The following TESMIN variants were observed in gnomAD, a reference collection of about 807,000 sequenced individuals.
TESMIN encodes CXC domain containing 2.
A neutral mutation model predicts 47.4 loss-of-function variants in TESMIN; 34 were observed. The ratio of observed to expected loss-of-function variants is 0.72; its 90% CI spans 0.55 to 0.96. TESMIN has a LOEUF of 0.96. Among genes scored for constraint, TESMIN ranks in the 40% least tolerant of loss-of-function variants. The pLI, the probability that TESMIN is intolerant of heterozygous loss-of-function variation, is 0.00. For synonymous variants in TESMIN, 278 were observed against 258.9 expected (o/e 1.07, Z -0.71); for missense variants, 610 against 637.2 (o/e 0.96, Z 0.46).
intron 2 of TESMIN, among the ~76,000 whole-genome samples, chr11:68,748,442 C>T (rs1181940466): frequency 2.0e-5 from 3 of 152,316 alleles, no homozygotes; most frequent in South Asian, 2.1e-4. Context: ...GTGCTATGCA[C>T]GTCATCCCAG....
At chr11:68,741,003 C>G (rs4523704) in intron 5 of TESMIN, among the ~76,000 whole-genome samples, 2,477 of 152,174 alleles carry the variant, frequency 0.016, 246 homozygotes, top group Admixed American at 0.15. Context: ...TGACTCCTCT[C>G]TTTCTCTCAC....
intron 5 of TESMIN, among the ~76,000 whole-genome samples, chr11:68,739,492 T>A (rs1233642102): frequency 6.6e-6 from 1 of 152,264 alleles, no homozygotes; most frequent in East Asian, 1.9e-4. Flanking sequence ...AAACCTCATA[T>A]CCTTGTCCCT....
chr11:68,713,314 A>C lies in TESMIN; in HGVS notation c.1114T>G (p.Cys372Gly). The change falls in exon 8 of 10, where the codon TGC becomes GGC. Residue 372 changes from cysteine to glycine, a missense_variant. Transcript: ENST00000255087. The part of the protein sequence containing the change: ...VKPQHNKGCN[C>G]RRSGCLKNYC... ...TTCTTCAGGCAGCCTGACCTCCTGC[A>C]GTTGCACCCTTTGTTGTGCTGGGGC... The C allele has an allele frequency of 6.2e-7, 1 of 1,614,208 alleles. No homozygotes were observed. Among genetic ancestry groups the C allele is most frequent in the Non-Finnish European group, 8.5e-7 (1 of 1,180,026 alleles).
At chr11:68,716,437 C>G (rs1245709984) in intron 6 of TESMIN, among the ~76,000 whole-genome samples, 1 of 152,246 alleles carries the variant, frequency 6.6e-6, no homozygotes, top group Non-Finnish European at 1.5e-5. Context: ...AACTCGCTTT[C>G]ATTCTGTGAG....
Position 68,707,708 on chromosome 11 carries a change from T to C in TESMIN, c.*600A>G, listed in dbSNP as rs1173241632. 2.4e-6 allele frequency: 1 copy of C among 412,560 alleles called. No individual in the cohort carries two copies. Among genetic ancestry groups the C allele is most frequent in the African/African-American group, 2.1e-5 (1 of 48,720 alleles). The allele number at this position is 412,560 out of a possible 1,614,324, so 25.6% of individuals were successfully genotyped here. A position where few individuals can be genotyped will look rare whatever the true frequency, so the allele number is the denominator to read the frequency against. On this transcript the variant is annotated 3_prime_UTR_variant, in exon 10 of 10. Coordinates refer to ENST00000255087, the MANE Select transcript of TESMIN (RefSeq NM_004923.3). ...TGCAAGCCTGGCCTGCGAGGCCCCA[T>C]TGCCTGCGTCTCCCGGGGGCCTTAG...
At chr11:68,738,619 T>C (rs1223615646) in intron 6 of TESMIN, 81 bp downstream of exon 6, 3 of 1,588,014 alleles carry the variant, frequency 1.9e-6, no homozygotes, top group Non-Finnish European at 2.6e-6. Context: ...CATTTTATAG[T>C]ATAGAAGAAA....
intron 6 of TESMIN, among the ~76,000 whole-genome samples, chr11:68,716,829 G>A (rs1483568698): frequency 1.3e-5 from 2 of 152,166 alleles, no homozygotes; most frequent in Non-Finnish European, 2.9e-5. Flanking sequence ...CCTATGACCC[G>A]CGCCCCAGAG....
At chr11:68,744,834 C>T (rs1946498398) in intron 4 of TESMIN, 157 bp downstream of exon 4, 2 of 571,662 alleles carry the variant, frequency 3.5e-6, no homozygotes, top group South Asian at 5.4e-5. Flanking sequence ...TATAGATATA[C>T]ATTTTTATAT....
intron 7 of TESMIN, among the ~76,000 whole-genome samples, chr11:68,714,273 C>T (rs541552514): frequency 1.6e-3 from 242 of 152,330 alleles, no homozygotes; most frequent in Non-Finnish European, 2.5e-3. Context: ...CTGCGGTGCG[C>T]GGCTTTAGGC....
chr11:68,725,735 A>G (rs565844757), intron 6 of TESMIN, among the ~76,000 whole-genome samples: 1 of 152,212 alleles, frequency 6.6e-6, no homozygotes, highest in African/African-American at 2.4e-5. Context: ...AGCCTCCCAA[A>G]GTGCTGGGAC....
At chr11:68,733,234 G>T (rs1946349574) in intron 6 of TESMIN, among the ~76,000 whole-genome samples, 2 of 152,176 alleles carry the variant, frequency 1.3e-5, no homozygotes, top group South Asian at 4.1e-4. Flanking sequence ...ACACCTCCTG[G>T]CTGGGGGAGA....
rs1356000366 is a variant in TESMIN, at chr11:68,736,502, T to C, written c.917+2198A>G. The stretch of plus-strand genomic sequence containing the variant: ...AACCAGCAAAACGTTCTCTGACTGC[T>C]TTCTTACCACCAAAAATAAATTGGT... On this transcript the variant is annotated intron_variant, in intron 6 of 9. Transcript: ENST00000255087. 8 of 985,462 alleles carry C rather than the reference T, an allele frequency of 8.1e-6. No individual in the cohort carries two copies. The African/African-American group carries it at 1.0e-4, about 13-fold the overall frequency. 61.0% of individuals were successfully genotyped at this position (985,462 alleles called of 1,614,324 possible).
intron 6 of TESMIN, among the ~76,000 whole-genome samples, chr11:68,718,260 A>G (rs1212994772): frequency 6.7e-6 from 1 of 150,348 alleles, no homozygotes; most frequent in Non-Finnish European, 1.5e-5. Context: ...CAGAGTATGA[A>G]AGACAGGGGC....
In TESMIN at chr11:68,750,247, C is replaced by T; in HGVS notation, c.414G>A (p.Leu138=). The change falls in exon 2 of 10, where the codon TTG becomes TTA. Residue 138 remains leucine, a synonymous_variant. Coordinates refer to ENST00000255087, the MANE Select transcript of TESMIN (RefSeq NM_004923.3). ...LLPAHRSPAV[L]PLGAWVLEGA... ...CTTCCAGGACCCAGGCGCCCAGGGG[C>T]AACACCGCCGGGCTGCGGTGCGCGG... is the stretch of plus-strand genomic sequence containing the variant. The T allele has an allele frequency of 1.3e-6, 2 of 1,537,008 alleles. No individual in the cohort carries two copies. The highest frequency in any genetic ancestry group is 1.7e-6 in the Non-Finnish European group (2 of 1,152,196).
chr11:68,737,650 G>A (rs535524233), intron 6 of TESMIN: 58 of 985,592 alleles, frequency 5.9e-5, no homozygotes, highest in Non-Finnish European at 6.6e-5. Flanking sequence ...GGCCGGGCAC[G>A]CCTGTAATCC....
At chr11:68,736,289 A>G in intron 6 of TESMIN, 1 of 985,424 alleles carries the variant, frequency 1.0e-6, no homozygotes, top group African/African-American at 1.7e-5. Context: ...TTTTATTAAT[A>G]TGATAAGCTA....
At chr11:68,727,908 C>CTTAA (rs1473883397) in intron 6 of TESMIN, among the ~76,000 whole-genome samples, 17 of 152,278 alleles carry the variant, frequency 1.1e-4, no homozygotes, top group African/African-American at 4.1e-4. Context: ...AGAGCACGAA[C>CTTAA]TTAAGTGCAA....
chr11:68,738,522 GA>G (rs1324009799), intron 6 of TESMIN, 177 bp downstream of exon 6: 3 of 1,391,792 alleles, frequency 2.2e-6, no homozygotes, highest in Non-Finnish European at 2.8e-6. Flanking sequence ...CAGCCCCAGT[GA>G]AACCAGACAC....
downstream of TESMIN, among the ~76,000 whole-genome samples, chr11:68,704,801 A>G (rs1945984045): frequency 6.6e-6 from 1 of 152,276 alleles, no homozygotes; most frequent in African/African-American, 2.4e-5. Context: ...CAAAATTTAA[A>G]ATATCAAACA....
Sources: gnomAD v4.1 joint callset for allele counts (sites outside exome capture counted in the v4.1 genomes callset) on GRCh38, gnomAD v4.1.1 for gene constraint, MANE v1.5 for transcripts, NCBI Gene and HGNC (gene_info 2026-07-23, HGNC 2026-07-21) for gene names.